DIP2C: variants seen among roughly 807,000 people sequenced by gnomAD.
The protein encoded by DIP2C is disco-interacting protein 2 homolog C.
A neutral mutation model predicts 192.4 loss-of-function variants in DIP2C; 33 were observed. That is an observed-to-expected ratio of 0.17 (90% CI 0.13 to 0.23). The LOEUF (loss-of-function observed/expected upper bound fraction) is 0.23, where lower values mean the gene tolerates loss of function less well. Among genes scored for constraint, DIP2C ranks in the 10% least tolerant of loss-of-function variants. The pLI is 1.00. For missense variants in DIP2C, 1,537 were observed against 2,110.1 expected, an observed-to-expected ratio of 0.73 and a Z score of 5.32; for synonymous variants, 979 against 864.1, an observed-to-expected ratio of 1.13 and a Z score of -2.33.
chr10:528,218 G>C (rs559148136), intron 1 of DIP2C, among the ~76,000 whole-genome samples: 2 of 152,046 alleles, frequency 1.3e-5, no homozygotes, highest in Non-Finnish European at 2.9e-5. Flanking sequence ...CCCTAGTCAG[G>C]AGCCATTCAT....
Position 490,668 on chromosome 10 carries a change from C to G in DIP2C, c.86-4138G>C, listed in dbSNP as rs374116661. Reference sequence around the variant, plus strand: ...TCAAGGTACCCATTTATTTAATTTCCTTTTCACTTTATGACAGAAAAGTAA... The same window carrying G: ...TCAAGGTACCCATTTATTTAATTTCGTTTTCACTTTATGACAGAAAAGTAA... On this transcript the variant is annotated intron_variant, in intron 1 of 36. Transcript: ENST00000280886. 2.7e-4 allele frequency among the ~76,000 whole-genome samples: 41 copies of G among 152,296 alleles called. No homozygotes were observed. In the Middle Eastern group the frequency reaches 0.014, roughly 51 times the overall value.
chr10:374,010 G>A (rs1271894918), intron 17 of DIP2C, among the ~76,000 whole-genome samples: 1 of 151,960 alleles, frequency 6.6e-6, no homozygotes, highest in Non-Finnish European at 1.5e-5. Context: ...ACCATACTTT[G>A]TCACCCCAAC....
At chr10:528,277 C>T (rs966935480) in intron 1 of DIP2C, among the ~76,000 whole-genome samples, 3 of 152,124 alleles carry the variant, frequency 2.0e-5, no homozygotes, top group Non-Finnish European at 4.4e-5. Context: ...CCGTCACGCA[C>T]ACCCAGAACA....
chr10:289,447 C>T (rs1306198359), intron 32 of DIP2C, among the ~76,000 whole-genome samples: 1 of 152,124 alleles, frequency 6.6e-6, no homozygotes, highest in African/African-American at 2.4e-5. Flanking sequence ...TTTTAAGTTT[C>T]TGTAGAGAGG....
chr10:467,559 T>C (rs1340770883), intron 3 of DIP2C, among the ~76,000 whole-genome samples: 1 of 98,254 alleles, frequency 1.0e-5, no homozygotes, highest in East Asian at 3.4e-4. Context: ...AAAAATTATT[T>C]AAGTGTAAAA....
intron 28 of DIP2C, 102 bp from the exon 29 acceptor site, chr10:341,431 G>C: frequency 1.3e-6 from 2 of 1,513,826 alleles, no homozygotes; most frequent in South Asian, 2.3e-5. Flanking sequence ...TGAACGCATC[G>C]GACCTGACAC....
chr10:289,718 T>A (rs1337086602), intron 32 of DIP2C, among the ~76,000 whole-genome samples: 1 of 152,070 alleles, frequency 6.6e-6, no homozygotes, highest in Non-Finnish European at 1.5e-5. Context: ...CTCCGGGCCC[T>A]GAGGGACCAG....
intron 1 of DIP2C, among the ~76,000 whole-genome samples, chr10:552,232 G>C (rs1004940540): frequency 6.6e-6 from 1 of 152,198 alleles, no homozygotes; most frequent in Non-Finnish European, 1.5e-5. Flanking sequence ...AAAGCATCGT[G>C]AAGTTCCAGT....
intron 9 of DIP2C, among the ~76,000 whole-genome samples, chr10:405,749 G>A (rs1011926218): frequency 2.0e-5 from 3 of 152,140 alleles, no homozygotes; most frequent in South Asian, 2.1e-4. Context: ...GGCATCAGCC[G>A]ATCAGGAGAC....
At chr10:575,984 T>C (rs1850125062) in intron 1 of DIP2C, among the ~76,000 whole-genome samples, 1 of 152,238 alleles carries the variant, frequency 6.6e-6, no homozygotes, top group African/African-American at 2.4e-5. Context: ...ATGCTACTCC[T>C]GCACGTGGGT....
At position 518,360 on chromosome 10, in the gene DIP2C, G is replaced by A. The variant is rs935216700; in HGVS notation, c.86-31830C>T. Reference sequence around the variant, plus strand: ...GATGCTGAAACCCTGCTCTTGCACCGCTGGCAGCTCCCCTGGCCCTGATGT... The same window carrying A: ...GATGCTGAAACCCTGCTCTTGCACCACTGGCAGCTCCCCTGGCCCTGATGT... On this transcript the variant is annotated intron_variant, in intron 1 of 36. Coordinates refer to ENST00000280886, the MANE Select transcript of DIP2C (RefSeq NM_014974.3). Among the ~76,000 whole-genome samples, 5 of 152,358 alleles carry A rather than the reference G, an allele frequency of 3.3e-5. No individual in the cohort carries two copies. The East Asian group carries it at 5.8e-4, about 18-fold the overall frequency.
chr10:657,985 C>T (rs1270699099), intron 1 of DIP2C, among the ~76,000 whole-genome samples: 98 of 149,976 alleles, frequency 6.5e-4, no homozygotes, highest in African/African-American at 2.2e-3. Context: ...GGACCTGCCG[C>T]TGGACCTGCC....
At chr10:519,121 C>T (rs1044564516) in intron 1 of DIP2C, among the ~76,000 whole-genome samples, 15 of 152,204 alleles carry the variant, frequency 9.9e-5, no homozygotes, top group African/African-American at 3.6e-4. Flanking sequence ...TAGGGGTGAG[C>T]CCAGCTGTGC....
At chr10:288,852 G>A (rs1050155016) in intron 32 of DIP2C, among the ~76,000 whole-genome samples, 2 of 152,222 alleles carry the variant, frequency 1.3e-5, no homozygotes, top group Admixed American at 6.5e-5. Flanking sequence ...GCCCTCCCAA[G>A]ACAGCGCGTG....
chr10:392,718 ACGCGCC>A (rs1336483797), intron 10 of DIP2C, among the ~76,000 whole-genome samples: 254 of 142,652 alleles, frequency 1.8e-3, no homozygotes, highest in East Asian at 0.014. Context: ...CCAGGTACAC[ACGCGCC>A]CAGGTACACA....
intron 1 of DIP2C, among the ~76,000 whole-genome samples, chr10:554,509 T>C (rs1848742170): frequency 6.6e-6 from 1 of 152,168 alleles, no homozygotes; most frequent in Admixed American, 6.5e-5. Context: ...AGTTATAAAA[T>C]AACTTAAATA....
intron 1 of DIP2C, among the ~76,000 whole-genome samples, chr10:648,517 T>C: frequency 6.6e-6 from 1 of 151,142 alleles, no homozygotes; most frequent in South Asian, 2.1e-4. Context: ...ACATCCACAT[T>C]GGATGGTGGG....
intron 6 of DIP2C, among the ~76,000 whole-genome samples, chr10:417,126 C>T (rs1337422361): frequency 1.3e-5 from 2 of 152,006 alleles, no homozygotes; most frequent in Non-Finnish European, 1.5e-5. Context: ...TTAAATAGCC[C>T]AACTAATTTG....
intron 1 of DIP2C, among the ~76,000 whole-genome samples, chr10:653,642 C>T (rs896412563): frequency 1.3e-5 from 2 of 152,130 alleles, no homozygotes; most frequent in African/African-American, 2.4e-5. Flanking sequence ...ATAACTGTCT[C>T]CTACTAAAAT....
Sources: allele counts gnomAD v4.1 joint callset (sites outside exome capture counted in the v4.1 genomes callset), GRCh38; gene constraint gnomAD v4.1.1; transcripts MANE v1.5; gene names NCBI Gene and HGNC (gene_info 2026-07-23, HGNC 2026-07-21).